The following FAM117B variants were observed in gnomAD, a reference collection of about 807,000 sequenced individuals.
FAM117B encodes the protein family with sequence similarity 117 member B.
FAM117B carries 22 observed loss-of-function variants against 52.8 expected under a neutral mutation model. That is an observed-to-expected ratio of 0.42 (90% CI 0.30 to 0.59). The LOEUF (loss-of-function observed/expected upper bound fraction) is 0.59, where lower values mean the gene tolerates loss of function less well. Ranked by LOEUF, FAM117B falls within the 20% of genes least tolerant of loss-of-function variation. The pLI is 0.22. For missense variants in FAM117B, 678 were observed against 802.6 expected, an observed-to-expected ratio of 0.84 and a Z score of 1.88; for synonymous variants, 309 against 324.1, an observed-to-expected ratio of 0.95 and a Z score of 0.50.
At chr2:202,747,732 C>T (rs1376076219) in intron 4 of FAM117B, among the ~76,000 whole-genome samples, 3 of 151,542 alleles carry the variant, frequency 2.0e-5, no homozygotes, top group Admixed American at 2.0e-4. Flanking sequence ...AATAAAAAAC[C>T]CTGAGAATAA....
intron 1 of FAM117B, among the ~76,000 whole-genome samples, chr2:202,685,787 T>C (rs1448008775): frequency 6.6e-6 from 1 of 152,110 alleles, no homozygotes; most frequent in Non-Finnish European, 1.5e-5. Flanking sequence ...GAACTCCAAA[T>C]GGATGAAAGA....
intron 1 of FAM117B, among the ~76,000 whole-genome samples, chr2:202,657,899 G>C (rs1441118124): frequency 1.3e-5 from 2 of 151,718 alleles, no homozygotes; most frequent in Non-Finnish European, 2.9e-5. Flanking sequence ...GTTTTGTTTT[G>C]TTTTTGGTGG....
At chr2:202,738,714 CAG>C (rs1175716860) in intron 4 of FAM117B, among the ~76,000 whole-genome samples, 1 of 152,146 alleles carries the variant, frequency 6.6e-6, no homozygotes, top group African/African-American at 2.4e-5. Context: ...ATTAGCTTCT[CAG>C]AGTCTCATTT....
chr2:202,710,651 A>C (rs980535809), intron 2 of FAM117B, among the ~76,000 whole-genome samples: 2 of 151,964 alleles, frequency 1.3e-5, no homozygotes, highest in Non-Finnish European at 2.9e-5. Flanking sequence ...CAAATACTAG[A>C]TCTTATTCTA....
chr2:202,707,533 G>A (rs995103978), intron 2 of FAM117B, among the ~76,000 whole-genome samples: 8 of 151,744 alleles, frequency 5.3e-5, no homozygotes, highest in South Asian at 4.2e-4. Context: ...GTGAAACCCC[G>A]TCTCTACCAA....
At chr2:202,682,247 T>C (rs1386200834) in intron 1 of FAM117B, among the ~76,000 whole-genome samples, 1 of 152,158 alleles carries the variant, frequency 6.6e-6, no homozygotes, top group African/African-American at 2.4e-5. Flanking sequence ...CGAATGTGGG[T>C]GCAAAAGGCT....
At chr2:202,657,092 T>A in intron 1 of FAM117B, among the ~76,000 whole-genome samples, 1 of 152,276 alleles carries the variant, frequency 6.6e-6, no homozygotes, top group African/African-American at 2.4e-5. Flanking sequence ...AATTTTATTT[T>A]ATTTATTTTT....
Position 202,755,699 on chromosome 2 carries a change from T to C in FAM117B, c.1104+18T>C. ...AACTTATAGTAAGTGATCTTGTATCTTAAAATCATTCTTGAACTCTTATAA... is the reference window on the plus strand; with the variant it reads ...AACTTATAGTAAGTGATCTTGTATCCTAAAATCATTCTTGAACTCTTATAA... On this transcript the variant is annotated intron_variant, in intron 5 of 7. Coordinates refer to ENST00000392238, the MANE Select transcript of FAM117B (RefSeq NM_173511.4). The C allele has an allele frequency of 6.2e-7, 1 of 1,603,290 alleles. No individual in the cohort carries two copies. The highest frequency in any genetic ancestry group is 1.1e-5 in the South Asian group (1 of 89,078).
chr2:202,650,945 T>G (rs1331233177), intron 1 of FAM117B, among the ~76,000 whole-genome samples: 1 of 151,824 alleles, frequency 6.6e-6, no homozygotes, highest in Non-Finnish European at 1.5e-5. Context: ...GGCAACACCC[T>G]CACAAACAAA....
intron 2 of FAM117B, among the ~76,000 whole-genome samples, chr2:202,708,833 G>A (rs1373314049): frequency 6.6e-6 from 1 of 151,974 alleles, no homozygotes; most frequent in Non-Finnish European, 1.5e-5. Flanking sequence ...TGAACTTTTG[G>A]CCTCAAGCGA....
chr2:202,642,527 ATAGT>A (rs1689787546), intron 1 of FAM117B, among the ~76,000 whole-genome samples: 1 of 151,976 alleles, frequency 6.6e-6, no homozygotes, highest in African/African-American at 2.4e-5. Context: ...GTTGAGGGTG[ATAGT>A]TTGGATGGTG....
At chr2:202,670,537 C>T (rs1377556193) in intron 1 of FAM117B, among the ~76,000 whole-genome samples, 2 of 152,108 alleles carry the variant, frequency 1.3e-5, no homozygotes, top group Non-Finnish European at 2.9e-5. Flanking sequence ...GTGATCCTGC[C>T]TCAGCCTCCC....
rs571303033 is a variant in FAM117B at position 202,657,144 on chromosome 2, G to A, written c.601+21356G>A. Among the ~76,000 whole-genome samples the A allele has an allele frequency of 8.5e-5, 13 of 152,252 alleles. 1 individual carries two copies. The South Asian group carries it at 1.7e-3, about 19-fold the overall frequency. Reference sequence around the variant, plus strand: ...CCTCTGTCACCCAGGCTGGAGTGCAGTGGCATGATCTTGGCTCACTGCAAC... The same window carrying A: ...CCTCTGTCACCCAGGCTGGAGTGCAATGGCATGATCTTGGCTCACTGCAAC... On this transcript the variant is annotated intron_variant, in intron 1 of 7. Coordinates refer to ENST00000392238, the MANE Select transcript of FAM117B (RefSeq NM_173511.4).
chr2:202,710,694 C>G (rs991201825), intron 2 of FAM117B, among the ~76,000 whole-genome samples: 1 of 151,804 alleles, frequency 6.6e-6, no homozygotes, highest in Non-Finnish European at 1.5e-5. Context: ...ATTAACCATC[C>G]CCCTTCCCTT....
intron 2 of FAM117B, among the ~76,000 whole-genome samples, chr2:202,705,382 C>G (rs372709683): frequency 9.9e-5 from 15 of 152,230 alleles, no homozygotes; most frequent in African/African-American, 3.4e-4. Flanking sequence ...GTTGCATACC[C>G]CACCTCATCA....
Position 202,635,624 on chromosome 2 carries a change from T to C in FAM117B, c.437T>C (p.Leu146Pro), listed in dbSNP as rs960859384. Residue 146 changes from leucine (L) to proline (P), a missense_variant, in exon 1 of 8, where the codon CTG (leucine) becomes CCG (proline). By Grantham distance (98) the Leu-to-Pro change is moderately conservative (BLOSUM62 -3). Coordinates refer to ENST00000392238, the MANE Select transcript of FAM117B (RefSeq NM_173511.4). ...SPPRPPPPPP[L>P]LGTVSSPSSS... ...CCACGGCCGCCGCCGCCGCCGCCGC[T>C]GCTGGGCACCGTGTCGTCGCCCAGC... 5.2e-5 allele frequency: 67 copies of C among 1,299,282 alleles called. No individual in the cohort carries two copies. The highest frequency in any genetic ancestry group is 2.1e-4 in the South Asian group (9 of 43,120). The allele number at this position is 1,299,282 out of a possible 1,614,324, so 80.5% of individuals were successfully genotyped here.
chr2:202,663,655 C>T (rs1004593301), intron 1 of FAM117B, among the ~76,000 whole-genome samples: 10 of 149,604 alleles, frequency 6.7e-5, no homozygotes, highest in Non-Finnish European at 4.4e-5. Flanking sequence ...GCGATCTTGG[C>T]TCACTGCAAC....
At chr2:202,699,426 CAAAAAAAAAAAA>C in intron 2 of FAM117B, among the ~76,000 whole-genome samples, 1 of 17,902 alleles carries the variant, frequency 5.6e-5, no homozygotes, top group African/African-American at 1.8e-4. Flanking sequence ...GACCCCATCT[CAAAAAAAAAAAA>C]AAAAAAAAAA....
At chr2:202,732,527 A>C (rs1691369230) in intron 4 of FAM117B, among the ~76,000 whole-genome samples, 1 of 152,146 alleles carries the variant, frequency 6.6e-6, no homozygotes, top group East Asian at 1.9e-4. Context: ...AACCTTGAAA[A>C]CATTATGCTG....
Sources: allele counts gnomAD v4.1 joint callset (sites outside exome capture counted in the v4.1 genomes callset), GRCh38; gene constraint gnomAD v4.1.1; transcripts MANE v1.5; gene names NCBI Gene and HGNC (gene_info 2026-07-23, HGNC 2026-07-21).